CSMD1: variants seen among roughly 807,000 people sequenced by gnomAD.
CSMD1 encodes the protein CUB and Sushi multiple domains 1.
CSMD1 carries 213 observed loss-of-function variants against 417.5 expected under a neutral mutation model. The ratio of observed to expected loss-of-function variants is 0.51; its 90% CI spans 0.46 to 0.57. The LOEUF is 0.57. CSMD1 is among the 20% of genes least tolerant of loss of function. The probability of loss-of-function intolerance (pLI) is 0.00; values close to 1 mark genes in which losing one functional copy is unlikely to be tolerated. For synonymous variants in CSMD1, 2,862 were observed against 1,736.8 expected, an observed-to-expected ratio of 1.65 and a Z score of -16.11; for missense variants, 6,923 against 4,529.7, an observed-to-expected ratio of 1.53 and a Z score of -15.17.
At chr8:4,005,137 G>T (rs1172075597) in intron 4 of CSMD1, among the ~76,000 whole-genome samples, 1 of 152,132 alleles carries the variant, frequency 6.6e-6, no homozygotes, top group East Asian at 1.9e-4. Context: ...AGATTTGGGG[G>T]GAAGAGTGGG....
chr8:4,406,916 T>G (rs188524656), intron 3 of CSMD1, among the ~76,000 whole-genome samples: 144 of 152,270 alleles, frequency 9.5e-4, no homozygotes, highest in African/African-American at 3.4e-3. Flanking sequence ...AGAAAGTGGG[T>G]TAAATAACAA....
chr8:4,599,558 A>G (rs1014466500), intron 2 of CSMD1, among the ~76,000 whole-genome samples: 35 of 152,242 alleles, frequency 2.3e-4, no homozygotes, highest in African/African-American at 7.7e-4. Context: ...ACAAAAAAAA[A>G]TCTCATTGAT....
chr8:4,723,387 C>T (rs918108569), intron 1 of CSMD1, among the ~76,000 whole-genome samples: 1 of 152,120 alleles, frequency 6.6e-6, no homozygotes, highest in East Asian at 1.9e-4. Flanking sequence ...AAACATGTTG[C>T]CATTTCTGAA....
At chr8:3,009,161 C>T (rs1242001883) in intron 52 of CSMD1, among the ~76,000 whole-genome samples, 3 of 152,196 alleles carry the variant, frequency 2.0e-5, no homozygotes, top group Non-Finnish European at 2.9e-5. Context: ...CCCCTCTCAC[C>T]AGGTCTCCCA....
chr8:4,101,843 G>A (rs1010261015), intron 3 of CSMD1, among the ~76,000 whole-genome samples: 1 of 152,028 alleles, frequency 6.6e-6, no homozygotes, highest in Non-Finnish European at 1.5e-5. Context: ...TCTCTGAATT[G>A]AATCTGAAAA....
At chr8:3,774,183 G>A (rs1005315175) in intron 5 of CSMD1, among the ~76,000 whole-genome samples, 1 of 152,102 alleles carries the variant, frequency 6.6e-6, no homozygotes, top group Admixed American at 6.5e-5. Context: ...GACCTGCACC[G>A]CCTGACCCTT....
intron 3 of CSMD1, among the ~76,000 whole-genome samples, chr8:4,071,927 G>C (rs1182693881): frequency 1.3e-5 from 2 of 152,092 alleles, no homozygotes; most frequent in African/African-American, 4.8e-5. Flanking sequence ...GTCAAAGTCT[G>C]GGCAGAACCT....
At chr8:3,893,339 T>TTATATATATATATATATA (rs56848640) in intron 5 of CSMD1, among the ~76,000 whole-genome samples, 1,958 of 80,278 alleles carry the variant, frequency 0.024, 156 homozygotes, top group Non-Finnish European at 0.039. Context: ...ATTCACAATT[T>TTATATATATATATATATA]TATATATATA....
intron 5 of CSMD1, among the ~76,000 whole-genome samples, chr8:3,934,343 A>C (rs1379853720): frequency 6.6e-6 from 1 of 152,190 alleles, no homozygotes; most frequent in Admixed American, 6.5e-5. Flanking sequence ...CACGTACAAA[A>C]AGAGGAGAAA....
chr8:4,324,660 A>G (rs2128886453), intron 3 of CSMD1, among the ~76,000 whole-genome samples: 1 of 152,344 alleles, frequency 6.6e-6, no homozygotes, highest in South Asian at 2.1e-4. Context: ...TGCTCCTGGA[A>G]GATCCAGCTC....
At chr8:3,196,855 C>A (rs545643831) in intron 33 of CSMD1, among the ~76,000 whole-genome samples, 1 of 152,112 alleles carries the variant, frequency 6.6e-6, no homozygotes, top group African/African-American at 2.4e-5. Context: ...GTTCATTCAA[C>A]GGCACGAAAC....
chr8:4,828,341 T>A (rs139131102), intron 1 of CSMD1, among the ~76,000 whole-genome samples: 4 of 152,318 alleles, frequency 2.6e-5, no homozygotes, highest in Admixed American at 6.5e-5. Context: ...GAAAATAAGG[T>A]AGCATAAGCC....
chr8:3,608,757 C>G, intron 8 of CSMD1, among the ~76,000 whole-genome samples: 1 of 89,246 alleles, frequency 1.1e-5, no homozygotes, highest in Non-Finnish European at 2.4e-5. Context: ...GAGTGAGACT[C>G]TGTCTCAAAA....
chr8:3,454,587 G>C (rs1815980493), intron 12 of CSMD1, among the ~76,000 whole-genome samples: 1 of 152,172 alleles, frequency 6.6e-6, no homozygotes. Flanking sequence ...AGTTTGGCTG[G>C]ATATGAAATT....
chr8:3,414,253 A>C (rs1043951459), intron 12 of CSMD1, among the ~76,000 whole-genome samples: 8 of 148,000 alleles, frequency 5.4e-5, no homozygotes, highest in African/African-American at 1.3e-4. Flanking sequence ...TGTACAAACT[A>C]TCTCTTCCAA....
At chr8:3,655,548 A>G (rs1166521689) in intron 7 of CSMD1, among the ~76,000 whole-genome samples, 1 of 152,036 alleles carries the variant, frequency 6.6e-6, no homozygotes, top group African/African-American at 2.4e-5. Context: ...GGGAAACCCA[A>G]CTGTGTAAGG....
chr8:4,932,924 A>T (rs535657904), intron 1 of CSMD1, among the ~76,000 whole-genome samples: 1 of 152,368 alleles, frequency 6.6e-6, no homozygotes, highest in African/African-American at 2.4e-5. Context: ...ATAGTGAATT[A>T]AATTATTATA....
chr8:4,932,797 G>A (rs967902504), intron 1 of CSMD1, among the ~76,000 whole-genome samples: 1 of 152,132 alleles, frequency 6.6e-6, no homozygotes, highest in African/African-American at 2.4e-5. Context: ...ATATTCAATA[G>A]AGTTTTACCC....
At chr8:4,238,268 G>A (rs1802184856) in intron 3 of CSMD1, among the ~76,000 whole-genome samples, 1 of 152,094 alleles carries the variant, frequency 6.6e-6, no homozygotes, top group African/African-American at 2.4e-5. Flanking sequence ...CTTTCACTAG[G>A]GACTAGAGAC....
Sources: gnomAD v4.1 joint callset for allele counts (sites outside exome capture counted in the v4.1 genomes callset) on GRCh38, gnomAD v4.1.1 for gene constraint, MANE v1.5 for transcripts, NCBI Gene and HGNC (gene_info 2026-07-23, HGNC 2026-07-21) for gene names.